Variants in FAM114A2 observed in about 807,000 individuals in gnomAD.
FAM114A2 encodes the protein protein FAM114A2.
FAM114A2 carries 53 observed loss-of-function variants against 58.4 expected under a neutral mutation model. The observed-to-expected ratio is 0.91, with a 90% CI of 0.73 to 1.14. The LOEUF (loss-of-function observed/expected upper bound fraction) is 1.14, where lower values mean the gene tolerates loss of function less well. Ranked by LOEUF, FAM114A2 falls within the 50% of genes most tolerant of loss-of-function variation. The pLI, the probability that FAM114A2 is intolerant of heterozygous loss-of-function variation, is 0.00. For synonymous variants in FAM114A2, 228 were observed against 211.4 expected (o/e 1.08, Z -0.68); for missense variants, 601 against 581.1 (o/e 1.03, Z -0.35).
chr5:153,990,891 T>C lies in FAM114A2; in HGVS notation c.*2085A>G, dbSNP rs979397172. Reference sequence around the variant, plus strand: ...ACATACTATCCAAAAACCATCACCATAATCCAGCAAGTTCCAAAGTGATCC... The same window carrying C: ...ACATACTATCCAAAAACCATCACCACAATCCAGCAAGTTCCAAAGTGATCC... On this transcript the variant is annotated 3_prime_UTR_variant, in exon 14 of 14. Transcript: ENST00000351797. The C allele has an allele frequency of 3.9e-5, 6 of 152,202 alleles. No individual in the cohort carries two copies. The highest frequency in any genetic ancestry group is 9.6e-5 in the African/African-American group (4 of 41,458). The allele number at this position is 152,202 out of a possible 1,614,324, so 9.4% of individuals were successfully genotyped here.
rs562162436 is a variant in FAM114A2, at chr5:154,038,667, G to A, written c.-15+190C>T. The A allele has an allele frequency of 3.3e-5, 5 of 152,344 alleles. No homozygotes were observed. The East Asian group carries it at 9.6e-4, about 29-fold the overall frequency. The allele number at this position is 152,344 out of a possible 1,614,324, so 9.4% of individuals were successfully genotyped here. The stretch of plus-strand genomic sequence containing the variant: ...CGTCCGCTCCCAACTAAGTTCTCAG[G>A]CGCTGACAACGACAAGAATTCCTCA... On this transcript the variant is annotated intron_variant, in intron 1 of 13. Coordinates refer to ENST00000351797, the MANE Select transcript of FAM114A2 (RefSeq NM_018691.4).
At chr5:154,033,905 T>C (rs2113506381) in intron 3 of FAM114A2, 22 bp from the exon 4 acceptor site, 1 of 1,491,940 alleles carries the variant, frequency 6.7e-7, no homozygotes, top group Non-Finnish European at 9.3e-7. Flanking sequence ...AATAACTTTT[T>C]TTTTTGCTAT....
intron 8 of FAM114A2, among the ~76,000 whole-genome samples, chr5:154,016,113 G>A (rs1235072861): frequency 6.6e-6 from 1 of 152,068 alleles, no homozygotes; most frequent in African/African-American, 2.4e-5. Flanking sequence ...CAAGAAGTCT[G>A]GGATTATGTT....
At chr5:154,013,893 C>T (rs1323119819) in intron 8 of FAM114A2, among the ~76,000 whole-genome samples, 2 of 152,188 alleles carry the variant, frequency 1.3e-5, no homozygotes, top group African/African-American at 4.8e-5. Context: ...TGAGTGCTTA[C>T]TATATGCCAC....
rs1581844341 is a variant in FAM114A2, at chr5:154,034,964, T to C, written c.-11A>G. 3 of 1,592,314 alleles carry C rather than the reference T, an allele frequency of 1.9e-6. No individual in the cohort carries two copies. The highest frequency in any genetic ancestry group is 2.6e-6 in the Non-Finnish European group (3 of 1,171,108). On this transcript the variant is annotated 5_prime_UTR_variant, in exon 2 of 14. The change abolishes an upstream ATG in the 5' untranslated region. Transcript: ENST00000351797. ...ATCTTTATCTGACATGATTAGAACA[T>C]CAGCTGGTAAAATGAAAGCCCAAAA... is the stretch of plus-strand genomic sequence containing the variant.
chr5:154,002,194 C>CAG, intron 11 of FAM114A2, 57 bp downstream of exon 11: 1 of 1,545,184 alleles, frequency 6.5e-7, no homozygotes. Flanking sequence ...ACTTTGGAAA[C>CAG]AGGCCAAGAA....
intron 8 of FAM114A2, among the ~76,000 whole-genome samples, chr5:154,021,632 T>C (rs1771426565): frequency 6.6e-6 from 1 of 152,052 alleles, no homozygotes; most frequent in Non-Finnish European, 1.5e-5. Context: ...AAACCACTGC[T>C]CAACGAAATA....
chr5:154,027,934 A>C (rs1221850992), intron 6 of FAM114A2, among the ~76,000 whole-genome samples: 2 of 152,194 alleles, frequency 1.3e-5, no homozygotes, highest in African/African-American at 4.8e-5. Flanking sequence ...CACTGCACTG[A>C]TGGGAGGCTC....
Position 153,994,874 on chromosome 5 carries a change from A to G in FAM114A2, c.1383+45T>C, listed in dbSNP as rs1248101768. 3.2e-6 allele frequency: 4 copies of G among 1,262,312 alleles called. No homozygotes were observed. In the African/African-American group the frequency reaches 5.9e-5, roughly 19 times the overall value. The allele number at this position is 1,262,312 out of a possible 1,614,324, so 78.2% of individuals were successfully genotyped here. A position where few individuals can be genotyped will look rare whatever the true frequency, so the allele number is the denominator to read the frequency against. On this transcript the variant is annotated intron_variant, in intron 13 of 13. Coordinates refer to ENST00000351797, the MANE Select transcript of FAM114A2 (RefSeq NM_018691.4). ...GCAAAAGGCTTCAGAAGAGTTAATTATACGTAATACCTTTGGAGTCAGAGA... is the reference window on the plus strand; with the variant it reads ...GCAAAAGGCTTCAGAAGAGTTAATTGTACGTAATACCTTTGGAGTCAGAGA...
chr5:154,035,159 T>C (rs1352122481), intron 1 of FAM114A2, among the ~76,000 whole-genome samples, 192 bp from the exon 2 acceptor site: 1 of 152,208 alleles, frequency 6.6e-6, no homozygotes, highest in Non-Finnish European at 1.5e-5. Flanking sequence ...ACCAGGAAAC[T>C]GATATCAATG....
At chr5:154,034,424 A>C in intron 2 of FAM114A2, 47 bp from the exon 3 acceptor site, 1 of 1,173,284 alleles carries the variant, frequency 8.5e-7, no homozygotes, top group Non-Finnish European at 1.2e-6. Context: ...AAAAATGAAA[A>C]AATTAGAGGA....
In FAM114A2 at chr5:154,028,271, T is replaced by C. The variant is rs772152341; in HGVS notation, c.508A>G (p.Ile170Val). 4 of 1,598,030 alleles carry C rather than the reference T, an allele frequency of 2.5e-6. No individual in the cohort carries two copies. The highest frequency in any genetic ancestry group is 2.2e-5 in the East Asian group (1 of 44,616). ...TAVQSTGKSV[I>V]SGGLDALEFI... ...TCTAAGGCATCCAAACCCCCACTTATAACACTCTTTCCCTAGAAAATACAT... is the reference window on the plus strand; with the variant it reads ...TCTAAGGCATCCAAACCCCCACTTACAACACTCTTTCCCTAGAAAATACAT... The change falls in exon 6 of 14, where the codon ATA becomes GTA. Residue 170 changes from isoleucine (I) to valine (V), a missense_variant. Physicochemically the swap from Ile to Val is conservative, Grantham distance 29. Coordinates refer to ENST00000351797, the MANE Select transcript of FAM114A2 (RefSeq NM_018691.4).
intron 4 of FAM114A2, among the ~76,000 whole-genome samples, chr5:154,031,891 C>G (rs1412947441): frequency 6.6e-6 from 1 of 152,228 alleles, no homozygotes; most frequent in Non-Finnish European, 1.5e-5. Context: ...AACAGTTAAG[C>G]TGAAAGCTAA....
rs898382777 is a variant in FAM114A2 at position 154,038,853 on chromosome 5, G to C, written c.-15+4C>G. On this transcript the variant is annotated splice_donor_region_variant and intron_variant, in intron 1 of 13. Transcript: ENST00000351797. ...CCTCCTGCCTCGTTCAGGAAGCTCC[G>C]CACCTATCCGGCCGCCACCCTCAGC... 6 of 152,508 alleles carry C rather than the reference G, an allele frequency of 3.9e-5. No individual in the cohort carries two copies. The highest frequency in any genetic ancestry group is 1.4e-4 in the African/African-American group (6 of 41,444). The allele number at this position is 152,508 out of a possible 1,614,324, so 9.4% of individuals were successfully genotyped here. A position where few individuals can be genotyped will look rare whatever the true frequency, so the allele number is the denominator to read the frequency against.
intron 8 of FAM114A2, among the ~76,000 whole-genome samples, chr5:154,015,153 G>A (rs1439956221): frequency 6.6e-6 from 1 of 152,082 alleles, no homozygotes; most frequent in Non-Finnish European, 1.5e-5. Flanking sequence ...TGCCTCAAGA[G>A]AGTCTGAGCT....
chr5:153,997,723 A>C (rs1218406816), intron 12 of FAM114A2, 80 bp downstream of exon 12: 2 of 891,632 alleles, frequency 2.2e-6, no homozygotes, highest in Non-Finnish European at 3.7e-6. Flanking sequence ...TTGTACACTT[A>C]AAGTGAGCAA....
chr5:154,035,013 T>C lies in FAM114A2; in HGVS notation c.-14-46A>G. ...AAAAAATTTATATAGGCTTCTTTGG[T>C]ATAAAGTATTTGTTTAAACTTTTTA... On this transcript the variant is annotated intron_variant, in intron 1 of 13. Transcript: ENST00000351797. 2.5e-6 allele frequency: 3 copies of C among 1,192,014 alleles called. No individual in the cohort carries two copies. The East Asian group carries it at 7.3e-5, about 29-fold the overall frequency. 73.8% of individuals were successfully genotyped at this position (1,192,014 alleles called of 1,614,324 possible).
intron 12 of FAM114A2, chr5:153,995,178 A>G (rs1216635495): frequency 1.8e-5 from 9 of 504,898 alleles, no homozygotes; most frequent in Non-Finnish European, 3.2e-5. Context: ...TGTGCTATCC[A>G]TATTGACAGT....
At chr5:153,993,190 A>C in intron 13 of FAM114A2, 80 bp from the exon 14 acceptor site, 1 of 1,176,972 alleles carries the variant, frequency 8.5e-7, no homozygotes, top group Non-Finnish European at 1.2e-6. Context: ...ACAGGGGAAC[A>C]GATTAATTTT....
Sources: allele counts gnomAD v4.1 joint callset (sites outside exome capture counted in the v4.1 genomes callset), GRCh38; gene constraint gnomAD v4.1.1; transcripts MANE v1.5; gene names NCBI Gene and HGNC (gene_info 2026-07-23, HGNC 2026-07-21).